METTL6: variants seen among roughly 807,000 people sequenced by gnomAD.
METTL6 encodes tRNA N(3)-cytidine methyltransferase METTL6.
Under a neutral mutation model 26.4 loss-of-function variants are expected in METTL6, and 22 were observed. The observed-to-expected ratio is 0.83, with a 90% CI of 0.59 to 1.19. METTL6 has a LOEUF of 1.19. Among genes scored for constraint, METTL6 ranks in the 50% most tolerant of loss-of-function variants. METTL6 has a pLI of 0.00. For synonymous variants in METTL6, 109 were observed against 116.2 expected, an observed-to-expected ratio of 0.94 and a Z score of 0.40; for missense variants, 304 against 324.8, an observed-to-expected ratio of 0.94 and a Z score of 0.49.
At chr3:15,406,041 CACTAT>C (rs1335048346), downstream of METTL6, among the ~76,000 whole-genome samples, 15 of 151,786 alleles carry the variant, frequency 9.9e-5, no homozygotes, top group South Asian at 2.1e-4. Flanking sequence ...ACACACACAT[CACTAT>C]ACTATATGTA....
intron 6 of METTL6, among the ~76,000 whole-genome samples, chr3:15,393,226 G>T (rs908558769): frequency 5.3e-5 from 8 of 152,136 alleles, no homozygotes; most frequent in Non-Finnish European, 1.0e-4. Flanking sequence ...CTTGTAAGTT[G>T]GATTCCTAGG....
chr3:15,421,205 G>A (rs1330893250), intron 3 of METTL6, among the ~76,000 whole-genome samples: 4 of 152,140 alleles, frequency 2.6e-5, no homozygotes. Context: ...TTATTATTTT[G>A]CAACACCTAA....
At chr3:15,422,986 G>A (rs976731924) in intron 3 of METTL6, among the ~76,000 whole-genome samples, 1 of 152,198 alleles carries the variant, frequency 6.6e-6, no homozygotes, top group Non-Finnish European at 1.5e-5. Context: ...AAACAGTAAT[G>A]CAAATAAACA....
intron 6 of METTL6, among the ~76,000 whole-genome samples, chr3:15,398,182 C>T (rs1347129987): frequency 6.6e-6 from 1 of 150,814 alleles, no homozygotes; most frequent in Non-Finnish European, 1.5e-5. Flanking sequence ...TTGAACTCTC[C>T]ACTGCAATGC....
chr3:15,408,827 G>A (rs907805876), downstream of METTL6, among the ~76,000 whole-genome samples: 2 of 152,034 alleles, frequency 1.3e-5, no homozygotes, highest in African/African-American at 4.8e-5. Context: ...TCTTTATCCA[G>A]CTTAGCCAAT....
intron 3 of METTL6, among the ~76,000 whole-genome samples, chr3:15,418,475 T>C (rs749616197): frequency 1.3e-5 from 2 of 151,934 alleles, no homozygotes; most frequent in South Asian, 2.1e-4. Context: ...GATAGGATAA[T>C]AGAAATTACA....
At position 15,411,209 on chromosome 3, in the gene METTL6, A is replaced by C; in HGVS notation, c.*47T>G. ...CGCACCCAGACGAAAGAGTGATTTT[A>C]AATTTTCCTCTTCAAGGGAAGGTAT... On this transcript the variant is annotated 3_prime_UTR_variant, in exon 6 of 6. Coordinates refer to ENST00000383790, the MANE Select transcript of METTL6 (RefSeq NM_152396.4). 1 of 1,572,198 alleles carries C rather than the reference A, an allele frequency of 6.4e-7. No individual in the cohort carries two copies. Among genetic ancestry groups the C allele is most frequent in the Non-Finnish European group, 8.6e-7 (1 of 1,160,098 alleles).
At chr3:15,427,584 G>T (rs552476954), upstream of METTL6, 77 of 582,536 alleles carry the variant, frequency 1.3e-4, no homozygotes, top group Non-Finnish European at 2.0e-4. Flanking sequence ...CCACGGCCTT[G>T]CCTCCTCAGA....
In METTL6 at chr3:15,426,596, T is replaced by G; in HGVS notation, c.-85A>C. 4 of 1,281,814 alleles carry G rather than the reference T, an allele frequency of 3.1e-6. No homozygotes were observed. In the South Asian group the frequency reaches 5.2e-5, roughly 17 times the overall value. The allele number at this position is 1,281,814 out of a possible 1,614,324, so 79.4% of individuals were successfully genotyped here. A position where few individuals can be genotyped will look rare whatever the true frequency, so the allele number is the denominator to read the frequency against. ...AATCCACGCTAATGGATCAGATACA[T>G]TTCCTGAGGTGAGTTTCACGCCTCA... On this transcript the variant is annotated 5_prime_UTR_variant, in exon 2 of 6. The change abolishes an upstream ATG in the 5' untranslated region. Coordinates refer to ENST00000383790, the MANE Select transcript of METTL6 (RefSeq NM_152396.4).
At chr3:15,426,199 C>G in intron 2 of METTL6, 88 bp downstream of exon 2, 1 of 1,331,034 alleles carries the variant, frequency 7.5e-7, no homozygotes, top group Non-Finnish European at 1.0e-6. Flanking sequence ...TTGGCCTCCC[C>G]AAGTACTGGG....
chr3:15,381,376 C>T (rs1699080897), exon 7 of METTL6: 1 of 152,098 alleles, frequency 6.6e-6, no homozygotes, highest in South Asian at 2.1e-4. Context: ...AAATTTCAGG[C>T]TCCTTTTACG....
rs371594031 is a variant in METTL6, at chr3:15,425,008, T to C, written c.307A>G (p.Asn103Asp). The C allele has an allele frequency of 1.2e-6, 2 of 1,614,174 alleles. No individual in the cohort carries two copies. Among genetic ancestry groups the C allele is most frequent in the Non-Finnish European group, 1.7e-6 (2 of 1,180,026 alleles). The change falls in exon 3 of 6, where the codon AAT (asparagine) becomes GAT (aspartate). Residue 103 changes from asparagine (N) to aspartate (D), a missense_variant. Physicochemically the swap from Asn to Asp is conservative, Grantham distance 23. Coordinates refer to ENST00000383790, the MANE Select transcript of METTL6 (RefSeq NM_152396.4). ...AAATCACAGGCATAGGCAAAGATATTCGGATCTTCTTCTAAAAGTGGGAAT... is the reference window on the plus strand; with the variant it reads ...AAATCACAGGCATAGGCAAAGATATCCGGATCTTCTTCTAAAAGTGGGAAT... ...CLFPLLEEDP[N>D]IFAYACDFSP...
intron 3 of METTL6, among the ~76,000 whole-genome samples, chr3:15,423,367 T>C (rs1337857655): frequency 2.0e-5 from 3 of 152,228 alleles, no homozygotes; most frequent in Admixed American, 2.0e-4. Flanking sequence ...CACTCCAGTC[T>C]AGGCGACAGA....
Position 15,386,942 on chromosome 3 carries a change from A to T in METTL6, c.*12-2755T>A, listed in dbSNP as rs545139743. 3.9e-5 allele frequency among the ~76,000 whole-genome samples: 6 copies of T among 151,982 alleles called. No homozygotes were observed. The South Asian group carries it at 1.2e-3, about 32-fold the overall frequency. ...TGAGTAGCTGGGATTACAGGCATGCACCACTACGCCCGGCTAATTTTGTAT... is the reference window on the plus strand; with the variant it reads ...TGAGTAGCTGGGATTACAGGCATGCTCCACTACGCCCGGCTAATTTTGTAT... On this transcript the variant is annotated intron_variant, in intron 6 of 6. Transcript: ENST00000443029.
At chr3:15,418,596 G>A (rs1313882270) in intron 3 of METTL6, among the ~76,000 whole-genome samples, 1 of 152,076 alleles carries the variant, frequency 6.6e-6, no homozygotes, top group African/African-American at 2.4e-5. Context: ...AATCCCAGAG[G>A]GAGAAGAGAG....
chr3:15,399,950 T>C (rs976625120), intron 6 of METTL6, among the ~76,000 whole-genome samples: 1 of 152,122 alleles, frequency 6.6e-6, no homozygotes, highest in Non-Finnish European at 1.5e-5. Flanking sequence ...AAGAAATTTA[T>C]GAAAGAATTT....
intron 6 of METTL6, among the ~76,000 whole-genome samples, chr3:15,388,435 A>T (rs1316795217): frequency 6.6e-6 from 1 of 152,192 alleles, no homozygotes. Context: ...TTTAAGGACA[A>T]CTTGGTGAGT....
intron 6 of METTL6, among the ~76,000 whole-genome samples, chr3:15,401,536 C>CAAAAAAAAAAAAAAAA (rs35578326): frequency 4.7e-4 from 34 of 71,810 alleles, no homozygotes; most frequent in African/African-American, 6.6e-4. Flanking sequence ...ATGTTCACGC[C>CAAAAAAAAAAAAAAAA]AAAAAAAAAA....
chr3:15,402,163 C>A (rs1699664445), intron 6 of METTL6, among the ~76,000 whole-genome samples: 1 of 152,128 alleles, frequency 6.6e-6, no homozygotes, highest in Non-Finnish European at 1.5e-5. Flanking sequence ...CAGATAGAGC[C>A]AATCTGTCAA....
Sources: allele counts gnomAD v4.1 joint callset (sites outside exome capture counted in the v4.1 genomes callset), GRCh38; gene constraint gnomAD v4.1.1; transcripts MANE v1.5; gene names NCBI Gene and HGNC (gene_info 2026-07-23, HGNC 2026-07-21).